UBASH3B: variants seen among roughly 807,000 people sequenced by gnomAD.
UBASH3B encodes the protein ubiquitin-associated and SH3 domain-containing protein B.
UBASH3B carries 37 observed loss-of-function variants against 83.4 expected under a neutral mutation model. The observed-to-expected ratio is 0.44, with a 90% CI of 0.34 to 0.58. UBASH3B has a LOEUF of 0.58. Among genes scored for constraint, UBASH3B ranks in the 20% least tolerant of loss-of-function variants. The pLI is 0.01. For synonymous variants in UBASH3B, 304 were observed against 318.3 expected (o/e 0.96, Z 0.48); for missense variants, 657 against 827.2 (o/e 0.79, Z 2.52).
intron 1 of UBASH3B, among the ~76,000 whole-genome samples, chr11:122,728,278 C>T (rs534393878): frequency 6.6e-6 from 1 of 152,164 alleles, no homozygotes; most frequent in Non-Finnish European, 1.5e-5. Context: ...CTAGGCTGAC[C>T]CTGGAAAGAA....
Position 122,789,322 on chromosome 11 carries a change from A to C in UBASH3B, c.980+14A>C. On this transcript the variant is annotated intron_variant, in intron 6 of 13. Transcript: ENST00000284273. ...GATATTTCATGGGTAAGCAGACACA[A>C]AGACCTTTATGCCATTTGAAGAATG... is the stretch of plus-strand genomic sequence containing the variant. 1 of 1,613,950 alleles carries C rather than the reference A, an allele frequency of 6.2e-7. No homozygotes were observed. Among genetic ancestry groups the C allele is most frequent in the South Asian group, 1.1e-5 (1 of 91,056 alleles).
At chr11:122,778,607 C>CTT (rs960498187) in intron 3 of UBASH3B, among the ~76,000 whole-genome samples, 8 of 62,526 alleles carry the variant, frequency 1.3e-4, no homozygotes, top group Admixed American at 3.2e-4. Flanking sequence ...TTTTCTTTTT[C>CTT]TTTTTTTTTT....
At chr11:122,793,496 A>G (rs796359547) in intron 6 of UBASH3B, among the ~76,000 whole-genome samples, 2 of 152,246 alleles carry the variant, frequency 1.3e-5, no homozygotes, top group African/African-American at 4.8e-5. Flanking sequence ...ATATGGAGCA[A>G]ACTGGGATGG....
chr11:122,685,582 T>A (rs946085835), intron 1 of UBASH3B, among the ~76,000 whole-genome samples: 2 of 152,208 alleles, frequency 1.3e-5, no homozygotes, highest in African/African-American at 4.8e-5. Context: ...AGTGGTGTGA[T>A]CTTGGCTCAC....
intron 9 of UBASH3B, 127 bp from the exon 10 acceptor site, chr11:122,798,809 ACTGGCT>A (rs2135178345): frequency 1.7e-6 from 1 of 600,320 alleles, no homozygotes; most frequent in South Asian, 2.2e-5. Flanking sequence ...GGCTGAAACT[ACTGGCT>A]CTATGTGAGC....
intron 12 of UBASH3B, 94 bp from the exon 13 acceptor site, chr11:122,807,972 GC>G: frequency 1.1e-6 from 1 of 914,036 alleles, no homozygotes; most frequent in Middle Eastern, 2.2e-4. Context: ...GAGTGTGTTT[GC>G]TCCCCTGCAG....
chr11:122,798,449 A>G (rs1293189627), intron 9 of UBASH3B, among the ~76,000 whole-genome samples: 2 of 152,094 alleles, frequency 1.3e-5, no homozygotes, highest in Non-Finnish European at 2.9e-5. Flanking sequence ...GTGGTGGCTC[A>G]CGCCTGTAAT....
intron 1 of UBASH3B, among the ~76,000 whole-genome samples, chr11:122,679,971 C>T (rs1863717169): frequency 6.6e-6 from 1 of 152,078 alleles, no homozygotes; most frequent in African/African-American, 2.4e-5. Context: ...GCTGGGATTA[C>T]AGGCACCCAC....
chr11:122,676,715 A>T (rs1863672394), intron 1 of UBASH3B, among the ~76,000 whole-genome samples: 1 of 152,160 alleles, frequency 6.6e-6, no homozygotes, highest in South Asian at 2.1e-4. Context: ...GTCTAAAAAA[A>T]AATTCTAAAT....
intron 7 of UBASH3B, 82 bp downstream of exon 7, chr11:122,794,916 C>A (rs1346823888): frequency 1.9e-6 from 3 of 1,565,290 alleles, no homozygotes; most frequent in Non-Finnish European, 2.6e-6. Flanking sequence ...AGGCCTTGCC[C>A]TTGCTGTCTC....
chr11:122,675,368 A>C (rs1157816699), intron 1 of UBASH3B, among the ~76,000 whole-genome samples: 1 of 152,176 alleles, frequency 6.6e-6, no homozygotes, highest in Non-Finnish European at 1.5e-5. Flanking sequence ...TCCGTGTGAA[A>C]GTGTGGATGC....
intron 1 of UBASH3B, among the ~76,000 whole-genome samples, chr11:122,750,832 C>T (rs911379804): frequency 7.9e-5 from 12 of 152,198 alleles, no homozygotes; most frequent in Non-Finnish European, 1.3e-4. Context: ...ACCAGGAAGA[C>T]GCAAATGCTT....
intron 1 of UBASH3B, among the ~76,000 whole-genome samples, chr11:122,688,545 A>C (rs1203150217): frequency 1.3e-5 from 2 of 149,882 alleles, no homozygotes; most frequent in Non-Finnish European, 3.0e-5. Context: ...TCCCAGGTTC[A>C]CGCCATTCTC....
intron 1 of UBASH3B, among the ~76,000 whole-genome samples, chr11:122,718,949 A>AAC (rs1860576960): frequency 6.6e-6 from 1 of 152,160 alleles, no homozygotes; most frequent in Admixed American, 6.5e-5. Context: ...AGGCAGGAGG[A>AAC]CCACCAGAGC....
chr11:122,659,446 G>A (rs1863406421), intron 1 of UBASH3B, among the ~76,000 whole-genome samples: 1 of 152,138 alleles, frequency 6.6e-6, no homozygotes, highest in Admixed American at 6.5e-5. Context: ...TCCTTGCCCA[G>A]GCTTGCTTCC....
chr11:122,753,077 C>T (rs187447173), intron 1 of UBASH3B, among the ~76,000 whole-genome samples: 2 of 151,248 alleles, frequency 1.3e-5, no homozygotes, highest in Non-Finnish European at 2.9e-5. Flanking sequence ...TTCCTGGTAG[C>T]GCTCAGCCTA....
chr11:122,662,826 C>G (rs912058426), intron 1 of UBASH3B, among the ~76,000 whole-genome samples: 2 of 152,166 alleles, frequency 1.3e-5, no homozygotes, highest in African/African-American at 4.8e-5. Flanking sequence ...TTTCCTTCAG[C>G]ATATTTTTTA....
chr11:122,661,460 A>C (rs1863436899), intron 1 of UBASH3B, among the ~76,000 whole-genome samples: 1 of 152,172 alleles, frequency 6.6e-6, no homozygotes, highest in Admixed American at 6.5e-5. Context: ...TCTGAAATGT[A>C]GCTGACTCTG....
At chr11:122,736,358 A>G (rs1189879894) in intron 1 of UBASH3B, among the ~76,000 whole-genome samples, 5 of 151,958 alleles carry the variant, frequency 3.3e-5, no homozygotes, top group African/African-American at 1.2e-4. Context: ...AGTTCTGAGA[A>G]CTACAAGTTC....
Sources: allele counts gnomAD v4.1 joint callset (sites outside exome capture counted in the v4.1 genomes callset), GRCh38; gene constraint gnomAD v4.1.1; transcripts MANE v1.5; gene names NCBI Gene and HGNC (gene_info 2026-07-23, HGNC 2026-07-21).